Variants in PTPRN2 observed in about 807,000 individuals in gnomAD.
PTPRN2 encodes protein tyrosine phosphatase receptor type N2, also known as receptor-type tyrosine-protein phosphatase N2.
Under a neutral mutation model 118.8 loss-of-function variants are expected in PTPRN2, and 74 were observed. The ratio of observed to expected loss-of-function variants is 0.62; its 90% CI spans 0.52 to 0.76. The LOEUF (loss-of-function observed/expected upper bound fraction) is 0.76, where lower values mean the gene tolerates loss of function less well. Ranked by LOEUF, PTPRN2 falls within the 30% of genes least tolerant of loss-of-function variation. PTPRN2 has a pLI of 0.00. For missense variants in PTPRN2, 1,481 were observed against 1,394.4 expected, an observed-to-expected ratio of 1.06 and a Z score of -0.99; for synonymous variants, 641 against 608.0, an observed-to-expected ratio of 1.05 and a Z score of -0.80.
intron 1 of PTPRN2, among the ~76,000 whole-genome samples, chr7:158,500,425 AAAAACTACTT>A (rs1822275964): frequency 6.6e-6 from 1 of 152,228 alleles, no homozygotes; most frequent in African/African-American, 2.4e-5. Context: ...AACAAAGAAG[AAAAACTACTT>A]AAAACTCTGT....
chr7:158,073,208 C>T (rs1411094376), intron 11 of PTPRN2, among the ~76,000 whole-genome samples: 2 of 152,216 alleles, frequency 1.3e-5, no homozygotes, highest in African/African-American at 4.8e-5. Context: ...CTGCTTCTGT[C>T]GAGTTGCCAT....
At chr7:157,883,698 C>A (rs1190719762) in intron 12 of PTPRN2, among the ~76,000 whole-genome samples, 1 of 148,634 alleles carries the variant, frequency 6.7e-6, no homozygotes, top group African/African-American at 2.5e-5. Flanking sequence ...TGTCAGAGAC[C>A]AGAACACACC....
chr7:158,245,093 G>A (rs549592584), intron 3 of PTPRN2, among the ~76,000 whole-genome samples: 29 of 152,372 alleles, frequency 1.9e-4, no homozygotes, highest in African/African-American at 3.8e-4. Flanking sequence ...CATCTGCAGC[G>A]TGGTCAGCAC....
chr7:158,021,088 C>T (rs1806840778), intron 11 of PTPRN2, among the ~76,000 whole-genome samples: 1 of 152,144 alleles, frequency 6.6e-6, no homozygotes, highest in African/African-American at 2.4e-5. Flanking sequence ...GCTGCTTTAC[C>T]AAGACAAACA....
chr7:158,048,406 A>G (rs1809035493), intron 11 of PTPRN2, among the ~76,000 whole-genome samples: 1 of 152,158 alleles, frequency 6.6e-6, no homozygotes, highest in African/African-American at 2.4e-5. Flanking sequence ...CTTCATAGCA[A>G]GGGAACATGA....
intron 3 of PTPRN2, among the ~76,000 whole-genome samples, chr7:158,283,669 G>A (rs1050015553): frequency 4.6e-5 from 7 of 152,064 alleles, no homozygotes; most frequent in African/African-American, 7.2e-5. Context: ...CATAATGACC[G>A]GACCTCACCC....
rs137982665 is a variant in PTPRN2 at position 157,609,943 on chromosome 7, C to T, written c.2345-5868G>A. On this transcript the variant is annotated intron_variant, in intron 15 of 22. Transcript: ENST00000389418. This position sits in a 1 kb window ranked among gnomAD's most constrained non-coding sequence, Gnocchi z 4.9. Reference sequence around the variant, plus strand: ...TGGCCCAGCTAAGCATGCTAGAGGACGCGGCGGTATAGTCATTAATCATGA... The same window carrying T: ...TGGCCCAGCTAAGCATGCTAGAGGATGCGGCGGTATAGTCATTAATCATGA... 9.8e-5 allele frequency among the ~76,000 whole-genome samples: 15 copies of T among 152,320 alleles called. No homozygotes were observed. The East Asian group carries it at 1.2e-3, about 12-fold the overall frequency.
At chr7:158,585,209 T>C (rs994568231) in intron 1 of PTPRN2, among the ~76,000 whole-genome samples, 2 of 152,220 alleles carry the variant, frequency 1.3e-5, no homozygotes, top group African/African-American at 4.8e-5. Flanking sequence ...TCTCCGTGGA[T>C]TGTGTTCTGA....
At chr7:157,914,781 A>G (rs887535154) in intron 11 of PTPRN2, among the ~76,000 whole-genome samples, 4 of 152,068 alleles carry the variant, frequency 2.6e-5, no homozygotes, top group African/African-American at 9.7e-5. Context: ...TGCAAGACTT[A>G]TGCATTGTAG....
In PTPRN2 at chr7:157,944,399, T is replaced by C. The variant is rs1800338394; in HGVS notation, c.1724-45662A>G. On this transcript the variant is annotated intron_variant, in intron 11 of 22. Transcript: ENST00000389418. The surrounding 1 kb of genome is among the most constrained non-coding windows in gnomAD (Gnocchi z 4.3). ...ATCAATACAATGCAGGGTAGAGCAA[T>C]TCATTTGAATTAATGTGTTAAGTGG... 6.6e-6 allele frequency among the ~76,000 whole-genome samples: 1 copy of C among 152,198 alleles called. No individual in the cohort carries two copies. Among genetic ancestry groups the C allele is most frequent in the African/African-American group, 2.4e-5 (1 of 41,440 alleles).
At chr7:157,544,201 G>A (rs1016820532) in intron 22 of PTPRN2, among the ~76,000 whole-genome samples, 3 of 152,156 alleles carry the variant, frequency 2.0e-5, no homozygotes, top group African/African-American at 7.2e-5. Context: ...GGAGAGCTAC[G>A]GAAATGAACA....
rs193126433 is a variant in PTPRN2 at position 157,872,418 on chromosome 7, C to A, written c.1788+26255G>T. 1.1e-3 allele frequency among the ~76,000 whole-genome samples: 155 copies of A among 142,838 alleles called. 3 individuals are homozygous for A. The highest frequency in any genetic ancestry group is 3.8e-3 in the African/African-American group (142 of 37,458). The allele number at this position is 142,838 out of a possible 152,430, so 93.7% of individuals were successfully genotyped here. On this transcript the variant is annotated intron_variant, in intron 12 of 22. Coordinates refer to ENST00000389418, the MANE Select transcript of PTPRN2 (RefSeq NM_002847.5). ...CTCCCCCCACACACATACCCAGTGT[C>A]TTTCCCACACACACATACCCAGTGT... is the stretch of plus-strand genomic sequence containing the variant.
chr7:157,651,930 C>T (rs149105456), intron 14 of PTPRN2, among the ~76,000 whole-genome samples: 7 of 152,260 alleles, frequency 4.6e-5, no homozygotes, highest in East Asian at 3.9e-4. Flanking sequence ...TCCATTCACC[C>T]GCAGGTGAGC....
chr7:157,800,240 T>C (rs748367046), intron 12 of PTPRN2, among the ~76,000 whole-genome samples: 26 of 152,084 alleles, frequency 1.7e-4, no homozygotes, highest in Non-Finnish European at 2.4e-4. Context: ...CTCCCCGGGG[T>C]CTTTCCAGGC....
Position 158,283,715 on chromosome 7 carries a change from A to G in PTPRN2, c.277+33104T>C, listed in dbSNP as rs547576769. On this transcript the variant is annotated intron_variant, in intron 3 of 22. Transcript: ENST00000389418. ...CCTAGTGGACACGCCCATGCAGGTG[A>G]TCAGCAGTGCCGTGGCAGCCACAGA... is the stretch of plus-strand genomic sequence containing the variant. 1.9e-4 allele frequency among the ~76,000 whole-genome samples: 29 copies of G among 152,210 alleles called. 1 individual carries two copies. The highest frequency in any genetic ancestry group is 6.8e-3 in the Middle Eastern group (2 of 294).
chr7:157,778,046 T>C (rs1436965768), intron 12 of PTPRN2, among the ~76,000 whole-genome samples: 1 of 149,218 alleles, frequency 6.7e-6, no homozygotes, highest in Admixed American at 6.6e-5. Context: ...CAGGAACCAC[T>C]GAAGGAATTA....
At chr7:158,252,339 T>A (rs1331434432) in intron 3 of PTPRN2, among the ~76,000 whole-genome samples, 3 of 152,160 alleles carry the variant, frequency 2.0e-5, no homozygotes, top group African/African-American at 7.2e-5. Flanking sequence ...ATCATCCCCG[T>A]GCCCAGGGTG....
At chr7:157,789,500 C>G (rs73165850) in intron 12 of PTPRN2, among the ~76,000 whole-genome samples, 8 of 152,180 alleles carry the variant, frequency 5.3e-5, no homozygotes, top group Non-Finnish European at 1.0e-4. Flanking sequence ...AGGTCTCTGC[C>G]GGAGAGAAAA....
At chr7:157,943,143 G>A (rs1800249621) in intron 11 of PTPRN2, among the ~76,000 whole-genome samples, 2 of 152,188 alleles carry the variant, frequency 1.3e-5, no homozygotes, top group African/African-American at 4.8e-5. Flanking sequence ...CAAAGGAGGA[G>A]TTCTCGAGAC....
Sources: allele counts gnomAD v4.1 joint callset (sites outside exome capture counted in the v4.1 genomes callset), GRCh38; gene constraint gnomAD v4.1.1; non-coding constraint Gnocchi (gnomAD v3.1); transcripts MANE v1.5; gene names NCBI Gene and HGNC (gene_info 2026-07-23, HGNC 2026-07-21).